Variants in SEMA3A observed in about 807,000 individuals in gnomAD.
SEMA3A encodes semaphorin 3A, also known as semaphorin-3A.
In SEMA3A, 29 loss-of-function variants were observed where a neutral mutation model predicts 97.9. The ratio of observed to expected loss-of-function variants is 0.30; its 90% CI spans 0.22 to 0.40. The LOEUF is 0.40. Ranked by LOEUF, SEMA3A falls within the 10% of genes least tolerant of loss-of-function variation. SEMA3A has a pLI of 1.00. For missense variants in SEMA3A, 763 were observed against 951.3 expected (o/e 0.80, Z 2.60); for synonymous variants, 321 against 323.7 (o/e 0.99, Z 0.09).
In SEMA3A at chr7:83,956,266, C is replaced by A. The variant is rs1010645629; in HGVS notation, c.*5105G>T. On this transcript the variant is annotated 3_prime_UTR_variant, in exon 17 of 17. Coordinates refer to ENST00000265362, the MANE Select transcript of SEMA3A (RefSeq NM_006080.3). ...GCTTTTTAGCAAGGCAATGTTGGAA[C>A]TCATTGCTGAGTAGTCTAATGCTAG... 7 of 152,118 alleles carry A rather than the reference C, an allele frequency of 4.6e-5. No homozygotes were observed. The highest frequency in any genetic ancestry group is 4.6e-4 in the Admixed American group (7 of 15,266). The allele number at this position is 152,118 out of a possible 1,614,324, so 9.4% of individuals were successfully genotyped here. A position where few individuals can be genotyped will look rare whatever the true frequency, so the allele number is the denominator to read the frequency against.
At chr7:84,251,638 T>C (rs1481724816) in intron 3 of SEMA3A, among the ~76,000 whole-genome samples, 1 of 152,174 alleles carries the variant, frequency 6.6e-6, no homozygotes. Flanking sequence ...GCCCTAGCAC[T>C]CTTTACATAA....
At chr7:84,402,936 G>C (rs1013637698) in intron 1 of SEMA3A, among the ~76,000 whole-genome samples, 7 of 152,024 alleles carry the variant, frequency 4.6e-5, no homozygotes, top group African/African-American at 1.7e-4. Flanking sequence ...GTTGAAGACA[G>C]GTTGGTTTAC....
chr7:84,053,777 C>T (rs946835200), intron 5 of SEMA3A, among the ~76,000 whole-genome samples: 3 of 145,804 alleles, frequency 2.1e-5, no homozygotes, highest in Admixed American at 7.0e-5. Context: ...GGTTATTTTG[C>T]TCGTTAATTG....
At chr7:84,408,090 A>G (rs1804154492) in intron 1 of SEMA3A, among the ~76,000 whole-genome samples, 2 of 152,222 alleles carry the variant, frequency 1.3e-5, no homozygotes, top group African/African-American at 4.8e-5. Flanking sequence ...GAAAACCACC[A>G]TCAGAGTGAA....
chr7:84,471,525 C>T (rs1386165470), intron 1 of SEMA3A, among the ~76,000 whole-genome samples: 1 of 151,986 alleles, frequency 6.6e-6, no homozygotes, highest in East Asian at 1.9e-4. Flanking sequence ...CGGGAAGAAT[C>T]AAAAGACCTT....
intron 3 of SEMA3A, among the ~76,000 whole-genome samples, chr7:84,299,072 C>A (rs1465362031): frequency 6.6e-6 from 1 of 151,996 alleles, no homozygotes; most frequent in African/African-American, 2.4e-5. Context: ...GAAGGTTGCA[C>A]TGTCAGCTTC....
intron 2 of SEMA3A, among the ~76,000 whole-genome samples, chr7:84,358,232 A>G (rs1584262305): frequency 1.3e-5 from 2 of 152,230 alleles, no homozygotes; most frequent in African/African-American, 4.8e-5. Context: ...CCTGAACGGT[A>G]TTGCCTAGGT....
intron 2 of SEMA3A, among the ~76,000 whole-genome samples, chr7:84,356,928 G>A (rs1004783435): frequency 4.0e-5 from 6 of 151,390 alleles, no homozygotes; most frequent in Non-Finnish European, 5.9e-5. Flanking sequence ...AATATGCTAG[G>A]TTCTAAAATT....
At chr7:84,408,253 A>T (rs969320299) in intron 1 of SEMA3A, among the ~76,000 whole-genome samples, 3 of 152,226 alleles carry the variant, frequency 2.0e-5, no homozygotes, top group African/African-American at 7.2e-5. Context: ...GACGCTTCTC[A>T]AAAGAAGACA....
At chr7:84,425,398 C>T (rs1182954163) in intron 1 of SEMA3A, among the ~76,000 whole-genome samples, 1 of 127,678 alleles carries the variant, frequency 7.8e-6, no homozygotes, top group Non-Finnish European at 1.6e-5. Flanking sequence ...ATAATATATT[C>T]ACATAAATAT....
intron 4 of SEMA3A, among the ~76,000 whole-genome samples, chr7:84,088,423 C>A (rs186756001): frequency 6.6e-6 from 1 of 151,734 alleles, no homozygotes; most frequent in Non-Finnish European, 1.5e-5. Context: ...CACTGCACTC[C>A]AGCCTGGGCT....
chr7:84,319,783 CACTAG>C (rs2115903355), intron 2 of SEMA3A, among the ~76,000 whole-genome samples: 1 of 152,204 alleles, frequency 6.6e-6, no homozygotes, highest in Admixed American at 6.5e-5. Context: ...ACAGGTCTTT[CACTAG>C]ATCCTCTTAT....
chr7:84,371,750 C>T (rs943463996), intron 2 of SEMA3A: 7 of 151,784 alleles, frequency 4.6e-5, no homozygotes, highest in Admixed American at 6.6e-5. Context: ...AAAACTTTTT[C>T]GGTTCCACTT....
intron 5 of SEMA3A, among the ~76,000 whole-genome samples, chr7:84,056,266 T>C (rs1296588688): frequency 6.6e-6 from 1 of 152,244 alleles, no homozygotes; most frequent in East Asian, 1.9e-4. Flanking sequence ...CTTAGTTGCC[T>C]GAGAAGTACG....
At chr7:84,135,770 G>A (rs559248941) in intron 1 of SEMA3A, among the ~76,000 whole-genome samples, 2 of 152,096 alleles carry the variant, frequency 1.3e-5, no homozygotes, top group East Asian at 3.9e-4. Flanking sequence ...TCACTGTACT[G>A]CCTAAATTCT....
intron 4 of SEMA3A, among the ~76,000 whole-genome samples, chr7:84,082,913 G>C (rs566521854): frequency 6.6e-6 from 1 of 151,822 alleles, no homozygotes; most frequent in Non-Finnish European, 1.5e-5. Context: ...CTTAAATAAT[G>C]TATGATGGGA....
At chr7:84,010,797 G>C (rs1020481807) in intron 9 of SEMA3A, among the ~76,000 whole-genome samples, 1 of 151,914 alleles carries the variant, frequency 6.6e-6, no homozygotes, top group Non-Finnish European at 1.5e-5. Flanking sequence ...ATTTCAAACT[G>C]TTTATTACAT....
intron 2 of SEMA3A, among the ~76,000 whole-genome samples, chr7:84,316,398 T>G (rs2115889808): frequency 6.6e-6 from 1 of 151,244 alleles, no homozygotes; most frequent in Non-Finnish European, 1.5e-5. Context: ...TTAAAATCCT[T>G]AAAATGAAAA....
chr7:84,296,908 T>C (rs1399660458), intron 3 of SEMA3A, among the ~76,000 whole-genome samples: 4 of 152,236 alleles, frequency 2.6e-5, no homozygotes, highest in Non-Finnish European at 4.4e-5. Context: ...CTTCAAATTA[T>C]GTCAATTTTG....
Sources: allele counts gnomAD v4.1 joint callset (sites outside exome capture counted in the v4.1 genomes callset), GRCh38; gene constraint gnomAD v4.1.1; transcripts MANE v1.5; gene names NCBI Gene and HGNC (gene_info 2026-07-23, HGNC 2026-07-21).